The following PRKD1 variants were observed in gnomAD, a reference collection of about 807,000 sequenced individuals.
The protein encoded by PRKD1 is protein kinase D1.
Under a neutral mutation model 95.9 loss-of-function variants are expected in PRKD1, and 63 were observed. The observed-to-expected ratio is 0.66, with a 90% CI of 0.54 to 0.81. The LOEUF (loss-of-function observed/expected upper bound fraction) is 0.81, where lower values mean the gene tolerates loss of function less well. Among genes scored for constraint, PRKD1 ranks in the 30% least tolerant of loss-of-function variants. The pLI, the probability that PRKD1 is intolerant of heterozygous loss-of-function variation, is 0.00. For missense variants in PRKD1, 1,048 were observed against 1,165.3 expected (o/e 0.90, Z 1.47); for synonymous variants, 425 against 423.1 (o/e 1.00, Z -0.05).
rs145259512 is a variant in PRKD1, at chr14:29,882,648, G to A, written c.264+44601C>T. On this transcript the variant is annotated intron_variant, in intron 1 of 17. Transcript: ENST00000331968. Reference sequence around the variant, plus strand: ...AGTTCTATATCCACTAAACAACTCCGCATTTTCCCTCTCCCCAGCCCCTGC... The same window carrying A: ...AGTTCTATATCCACTAAACAACTCCACATTTTCCCTCTCCCCAGCCCCTGC... 3.3e-5 allele frequency among the ~76,000 whole-genome samples: 5 copies of A among 152,194 alleles called. No homozygotes were observed. The South Asian group carries it at 8.3e-4, about 25-fold the overall frequency.
At chr14:29,864,111 TTAAA>T (rs1892803085) in intron 1 of PRKD1, among the ~76,000 whole-genome samples, 1 of 152,160 alleles carries the variant, frequency 6.6e-6, no homozygotes, top group African/African-American at 2.4e-5. Context: ...ATTTTATAAA[TTAAA>T]TAAGAGAACT....
intron 4 of PRKD1, among the ~76,000 whole-genome samples, chr14:29,644,878 CTATACATTTTATACAACTATT>C (rs1215135343): frequency 4.0e-5 from 6 of 151,200 alleles, no homozygotes; most frequent in Non-Finnish European, 8.8e-5. Flanking sequence ...TATAAATAAA[CTATACATTTTATACAACTATT>C]TATACATTTT....
intron 2 of PRKD1, among the ~76,000 whole-genome samples, chr14:29,687,298 G>A (rs1318179983): frequency 1.3e-5 from 2 of 152,222 alleles, no homozygotes; most frequent in East Asian, 3.9e-4. Context: ...TCTACCAGCA[G>A]TACTAAAGTC....
chr14:29,591,402 A>G (rs766225164), intron 16 of PRKD1: 1 of 152,154 alleles, frequency 6.6e-6, no homozygotes, highest in Non-Finnish European at 1.5e-5. Context: ...ACTGAATTCA[A>G]AATTGTTTTA....
chr14:29,927,367 A>C lies in PRKD1; in HGVS notation c.146T>G (p.Ile49Ser). Residue 49 changes from isoleucine (I) to serine (S), a missense_variant, in exon 1 of 18, where the codon ATC becomes AGC. Around this residue, in one of 3 missense-constraint regions of PRKD1, gnomAD observed 275 missense variants for 248.6 expected, o/e 1.11. Coordinates refer to ENST00000331968, the MANE Select transcript of PRKD1 (RefSeq NM_002742.3). ...CAGGCCGATCTGCAGATGGAACGAG[A>C]TGCCCCCGACCGGGGCCGCGACAGG... ...LAPVAAPVGG[I>S]SFHLQIGLSR... The C allele has an allele frequency of 6.4e-7, 1 of 1,561,904 alleles. No homozygotes were observed.
At chr14:29,850,805 T>C (rs574081391) in intron 1 of PRKD1, among the ~76,000 whole-genome samples, 12 of 151,532 alleles carry the variant, frequency 7.9e-5, no homozygotes, top group Middle Eastern at 6.9e-3. Flanking sequence ...GCCAAGAGTA[T>C]TACATTACCT....
intron 16 of PRKD1, among the ~76,000 whole-genome samples, chr14:29,596,600 C>T (rs982987929): frequency 6.6e-6 from 1 of 152,130 alleles, no homozygotes; most frequent in Non-Finnish European, 1.5e-5. Context: ...ACTACAGGCA[C>T]GTGCCACCAC....
chr14:29,663,042 T>C (rs532540938), intron 4 of PRKD1, among the ~76,000 whole-genome samples: 3 of 147,278 alleles, frequency 2.0e-5, no homozygotes. Flanking sequence ...ATAAGATATA[T>C]ATATATTTAT....
At chr14:29,666,422 C>T (rs1882513301) in intron 2 of PRKD1, among the ~76,000 whole-genome samples, 1 of 151,862 alleles carries the variant, frequency 6.6e-6, no homozygotes, top group Non-Finnish European at 1.5e-5. Flanking sequence ...CTCTTCTCCT[C>T]TTCCTGCTTG....
chr14:29,740,341 A>C (rs927856131), intron 1 of PRKD1, among the ~76,000 whole-genome samples: 70 of 152,358 alleles, frequency 4.6e-4, no homozygotes, highest in African/African-American at 1.7e-3. Context: ...GAAGGCTATG[A>C]CAGCAACTAA....
At chr14:29,686,969 G>T (rs1179366641) in intron 2 of PRKD1, among the ~76,000 whole-genome samples, 1 of 149,034 alleles carries the variant, frequency 6.7e-6, no homozygotes, top group Non-Finnish European at 1.5e-5. Flanking sequence ...AGTTTCTAAA[G>T]CTCAGTCTGT....
chr14:29,663,670 TG>T lies in PRKD1; in HGVS notation c.696+28del, dbSNP rs557766398. 2.5e-4 allele frequency: 399 copies of T among 1,605,544 alleles called. 3 individuals carry two copies. In the African/African-American group the frequency reaches 5.0e-3, roughly 20 times the overall value. ...TCACCCCACAGATTTCTCATGTAAATGGGGAAGTGGGTAAACAGGAAGCCAT... is the reference window on the plus strand; with the variant it reads ...TCACCCCACAGATTTCTCATGTAAATGGGAAGTGGGTAAACAGGAAGCCAT... On this transcript the variant is annotated intron_variant, in intron 4 of 17. Transcript: ENST00000331968.
intron 1 of PRKD1, among the ~76,000 whole-genome samples, chr14:29,877,052 TTAG>T (rs1170825576): frequency 6.6e-6 from 1 of 152,086 alleles, no homozygotes; most frequent in Non-Finnish European, 1.5e-5. Context: ...CTCGCGAGGC[TTAG>T]GCAGGAGAAT....
Position 29,577,455 on chromosome 14 carries a change from T to A in PRKD1, c.2522A>T (p.Asp841Val), listed in dbSNP as rs369158333. 6.2e-7 allele frequency: 1 copy of A among 1,613,232 alleles called. No homozygotes were observed. The highest frequency in any genetic ancestry group is 2.2e-5 in the East Asian group (1 of 44,866). Residue 841 changes from aspartate to valine, a missense_variant and splice_region_variant, in exon 18 of 18, where the codon GAC becomes GTC. This residue lies in a region of PRKD1 where 739 missense variants were observed against 861.9 expected (regional missense o/e 0.86). Coordinates refer to ENST00000331968, the MANE Select transcript of PRKD1 (RefSeq NM_002742.3). ...DKTLSHPWLQ[D>V]YQTWLDLREL... ...TCGCAAATCTAACCAGGTCTGATAG[T>A]CCTGAAGAAGAAATTCCAAAATATT...
intron 4 of PRKD1, among the ~76,000 whole-genome samples, chr14:29,643,212 A>G (rs1397800276): frequency 6.6e-6 from 1 of 152,182 alleles, no homozygotes; most frequent in Non-Finnish European, 1.5e-5. Flanking sequence ...ATGCATATAA[A>G]TGATTTGATT....
At chr14:29,730,774 A>G (rs1464163056) in intron 1 of PRKD1, among the ~76,000 whole-genome samples, 6 of 152,160 alleles carry the variant, frequency 3.9e-5, no homozygotes, top group African/African-American at 1.4e-4. Flanking sequence ...GCACATAAAA[A>G]CATCTACCAT....
At chr14:29,595,515 G>T (rs970037021) in intron 16 of PRKD1, among the ~76,000 whole-genome samples, 2 of 152,156 alleles carry the variant, frequency 1.3e-5, no homozygotes, top group Admixed American at 1.3e-4. Context: ...TACCTACTGT[G>T]TATGTATATT....
chr14:29,846,422 T>C (rs796309004), intron 1 of PRKD1, among the ~76,000 whole-genome samples: 4 of 152,238 alleles, frequency 2.6e-5, no homozygotes, highest in African/African-American at 9.6e-5. Context: ...ACCCTATGAA[T>C]ATCCAGGAGA....
chr14:29,675,399 T>G (rs1294282437), intron 2 of PRKD1, among the ~76,000 whole-genome samples: 1 of 152,190 alleles, frequency 6.6e-6, no homozygotes, highest in Non-Finnish European at 1.5e-5. Context: ...TTGTAGACAA[T>G]CGCTTCCCCA....
Sources: allele counts gnomAD v4.1 joint callset (sites outside exome capture counted in the v4.1 genomes callset), GRCh38; gene constraint gnomAD v4.1.1; regional missense constraint gnomAD v4.1.1; transcripts MANE v1.5; gene names NCBI Gene and HGNC (gene_info 2026-07-23, HGNC 2026-07-21).